DNER: variants seen among roughly 807,000 people sequenced by gnomAD.
DNER encodes the protein delta/notch like EGF repeat containing, also known as delta and Notch-like epidermal growth factor-related receptor.
A neutral mutation model predicts 78.2 loss-of-function variants in DNER; 33 were observed. The ratio of observed to expected loss-of-function variants is 0.42; its 90% confidence interval spans 0.32 to 0.56. The LOEUF (loss-of-function observed/expected upper bound fraction) is 0.56. DNER is among the 20% of genes least tolerant of loss of function. The pLI, the probability that DNER is intolerant of heterozygous loss-of-function variation, is 0.11. For missense variants in DNER, 918 were observed against 975.3 expected, an observed-to-expected ratio of 0.94 and a Z score of 0.78; for synonymous variants, 417 against 384.8, an observed-to-expected ratio of 1.08 and a Z score of -0.98.
intron 1 of DNER, among the ~76,000 whole-genome samples, chr2:229,625,484 G>A (rs529698606): frequency 8.4e-4 from 128 of 152,262 alleles, no homozygotes; most frequent in African/African-American, 3.0e-3. Flanking sequence ...ATGAAGGCCC[G>A]GTCACCGAGT....
intron 1 of DNER, among the ~76,000 whole-genome samples, chr2:229,595,809 TG>T (rs1159803064): frequency 6.6e-6 from 1 of 152,238 alleles, no homozygotes; most frequent in African/African-American, 2.4e-5. Context: ...TTTGAGTCTT[TG>T]CTCCAATGCC....
intron 1 of DNER, among the ~76,000 whole-genome samples, chr2:229,661,327 TG>T (rs1193613766): frequency 3.9e-5 from 6 of 152,114 alleles, no homozygotes; most frequent in Non-Finnish European, 7.4e-5. Flanking sequence ...AAAAAAAACT[TG>T]TTACTCAGTA....
intron 4 of DNER, among the ~76,000 whole-genome samples, chr2:229,576,413 G>A (rs1332462395): frequency 1.3e-5 from 2 of 148,498 alleles, no homozygotes; most frequent in Admixed American, 6.8e-5. Context: ...AAATGTCACA[G>A]AGGTAGATTG....
At chr2:229,675,477 A>G (rs921341717) in intron 1 of DNER, among the ~76,000 whole-genome samples, 28 of 152,212 alleles carry the variant, frequency 1.8e-4, no homozygotes, top group Non-Finnish European at 3.7e-4. Context: ...ACATCATGTT[A>G]CCATCCAGCA....
intron 7 of DNER, among the ~76,000 whole-genome samples, chr2:229,460,020 G>T (rs934769541): frequency 6.6e-6 from 1 of 151,832 alleles, no homozygotes; most frequent in Admixed American, 6.6e-5. Flanking sequence ...AGCTGGGCGT[G>T]GTGGGGGGTG....
At chr2:229,459,062 G>A (rs1694636229) in intron 7 of DNER, among the ~76,000 whole-genome samples, 1 of 151,940 alleles carries the variant, frequency 6.6e-6, no homozygotes, top group South Asian at 2.1e-4. Flanking sequence ...CAAAAGATAT[G>A]CAAGATGTCT....
intron 4 of DNER, among the ~76,000 whole-genome samples, chr2:229,551,166 A>G (rs1319652706): frequency 6.6e-6 from 1 of 152,250 alleles, no homozygotes; most frequent in African/African-American, 2.4e-5. Flanking sequence ...AAAAGTTTTC[A>G]TAAATGTAAG....
At chr2:229,392,543 T>C (rs759075483) in intron 10 of DNER, among the ~76,000 whole-genome samples, 10 of 152,190 alleles carry the variant, frequency 6.6e-5, no homozygotes, top group Non-Finnish European at 1.2e-4. Context: ...CCGTAGGCTG[T>C]TGCTGAAGAC....
chr2:229,556,331 C>T (rs1404398748), intron 4 of DNER, among the ~76,000 whole-genome samples: 1 of 152,194 alleles, frequency 6.6e-6, no homozygotes, highest in Non-Finnish European at 1.5e-5. Context: ...CCAGTAGCTT[C>T]AAAAGTTTGC....
chr2:229,418,215 T>TA lies in DNER; in HGVS notation c.1501dup (p.Tyr501LeufsTer3). ...GCACTCATTATATTCCTCCTCACAGTAGAGGCCATGGTAACCTGAGGGACA... is the reference window on the plus strand; with the variant it reads ...GCACTCATTATATTCCTCCTCACAGTAAGAGGCCATGGTAACCTGAGGGACA... On this transcript the variant is annotated frameshift_variant, in exon 9 of 13. Transcript: ENST00000341772. LOFTEE classifies it high-confidence loss of function. 6.2e-7 allele frequency: 1 copy of TA among 1,613,946 alleles called. No homozygotes were observed. The highest frequency in any genetic ancestry group is 8.5e-7 in the Non-Finnish European group (1 of 1,179,968).
chr2:229,520,565 G>T (rs566403510), intron 5 of DNER, among the ~76,000 whole-genome samples: 1 of 152,160 alleles, frequency 6.6e-6, no homozygotes, highest in Non-Finnish European at 1.5e-5. Flanking sequence ...ATGGTGGTCT[G>T]CCAGTTACTC....
chr2:229,652,951 G>A (rs1236115092), intron 1 of DNER, among the ~76,000 whole-genome samples: 3 of 152,156 alleles, frequency 2.0e-5, no homozygotes, highest in Non-Finnish European at 2.9e-5. Flanking sequence ...GGTCGGGGAT[G>A]ATTAGCTCAA....
At position 229,559,643 on chromosome 2, in the gene DNER, A is replaced by G. The variant is rs73998271; in HGVS notation, c.848-12551T>C. 3.6e-3 allele frequency among the ~76,000 whole-genome samples: 546 copies of G among 152,186 alleles called. 4 individuals carry two copies. Among genetic ancestry groups the G allele is most frequent in the African/African-American group, 0.013 (530 of 41,532 alleles). ...AAAAAAAGACAGAAGAAAGGGAAGG[A>G]AGGAGGGAGGAGGAAAAATGACAGT... is the stretch of plus-strand genomic sequence containing the variant. On this transcript the variant is annotated intron_variant, in intron 4 of 12. Coordinates refer to ENST00000341772, the MANE Select transcript of DNER (RefSeq NM_139072.4).
chr2:229,713,851 C>CG (rs1699947514), intron 1 of DNER, among the ~76,000 whole-genome samples: 1 of 152,038 alleles, frequency 6.6e-6, no homozygotes, highest in Non-Finnish European at 1.5e-5. Context: ...CCTGGAGGGG[C>CG]GCGCCACTCA....
At chr2:229,410,870 GTGT>G (rs1180255168) in intron 9 of DNER, among the ~76,000 whole-genome samples, 8 of 152,186 alleles carry the variant, frequency 5.3e-5, no homozygotes. Context: ...CAGTAAAGAA[GTGT>G]TATTACACTT....
chr2:229,420,987 T>G (rs1163298586), intron 8 of DNER, among the ~76,000 whole-genome samples: 1 of 152,192 alleles, frequency 6.6e-6, no homozygotes, highest in East Asian at 1.9e-4. Context: ...TGCAGCATTA[T>G]TCACAATAAC....
intron 7 of DNER, among the ~76,000 whole-genome samples, chr2:229,474,956 GTCTC>G (rs913844076): frequency 6.6e-6 from 1 of 152,016 alleles, no homozygotes; most frequent in Non-Finnish European, 1.5e-5. Context: ...TCCCACTCTT[GTCTC>G]TCTCTATGTT....
At chr2:229,677,847 T>C (rs1393288054) in intron 1 of DNER, among the ~76,000 whole-genome samples, 2 of 152,232 alleles carry the variant, frequency 1.3e-5, no homozygotes, top group Admixed American at 6.5e-5. Context: ...TCATGATTGT[T>C]CTCTTACAGA....
intron 1 of DNER, among the ~76,000 whole-genome samples, chr2:229,693,469 C>A (rs1052741182): frequency 3.3e-5 from 5 of 151,820 alleles, no homozygotes; most frequent in East Asian, 1.9e-4. Context: ...GATCCGGAAC[C>A]ATTTGGAGGG....
Sources: gnomAD v4.1 joint callset for allele counts (sites outside exome capture counted in the v4.1 genomes callset) on GRCh38, gnomAD v4.1.1 for gene constraint, MANE v1.5 for transcripts, NCBI Gene and HGNC (gene_info 2026-07-23, HGNC 2026-07-21) for gene names.